The following SYT16 variants were observed in gnomAD, a reference collection of about 807,000 sequenced individuals.
SYT16 encodes synaptotagmin-16.
Under a neutral mutation model 61.4 loss-of-function variants are expected in SYT16, and 42 were observed. The ratio of observed to expected loss-of-function variants is 0.68; its 90% CI spans 0.53 to 0.89. SYT16 has a LOEUF of 0.89. SYT16 is among the 40% of genes least tolerant of loss of function. The pLI is 0.00. For synonymous variants in SYT16, 314 were observed against 302.3 expected, an observed-to-expected ratio of 1.04 and a Z score of -0.40; for missense variants, 804 against 807.3, an observed-to-expected ratio of 1.00 and a Z score of 0.05.
intron 1 of SYT16, among the ~76,000 whole-genome samples, chr14:61,936,520 T>C (rs1323955014): frequency 1.3e-5 from 2 of 152,184 alleles, no homozygotes; most frequent in East Asian, 1.9e-4. Flanking sequence ...ACATTTCTTA[T>C]TTTGATTAGG....
chr14:62,039,867 ACACACACACACG>A (rs1297377869), intron 3 of SYT16, among the ~76,000 whole-genome samples: 66 of 141,510 alleles, frequency 4.7e-4, no homozygotes, highest in South Asian at 7.2e-4. Context: ...ACACACACAC[ACACACACACACG>A]CACATACACA....
chr14:62,067,599 G>C (rs927126481), intron 3 of SYT16, among the ~76,000 whole-genome samples: 1 of 152,190 alleles, frequency 6.6e-6, no homozygotes, highest in African/African-American at 2.4e-5. Context: ...AAACACAAAA[G>C]ACATCGTGTG....
chr14:61,829,303 T>A (rs2045864018), intron 1 of SYT16, among the ~76,000 whole-genome samples: 1 of 152,238 alleles, frequency 6.6e-6, no homozygotes, highest in Admixed American at 6.5e-5. Context: ...CTGTATATAC[T>A]TTATCATTTC....
intron 1 of SYT16, among the ~76,000 whole-genome samples, chr14:61,833,619 C>T (rs764938273): frequency 6.7e-6 from 1 of 149,224 alleles, no homozygotes; most frequent in Non-Finnish European, 1.5e-5. Flanking sequence ...AGAGTTTTGC[C>T]ATGTTGGCCA....
At chr14:62,095,373 CTTA>C (rs1339810837) in intron 7 of SYT16, among the ~76,000 whole-genome samples, 2 of 151,762 alleles carry the variant, frequency 1.3e-5, no homozygotes, top group African/African-American at 2.4e-5. Flanking sequence ...TGTAGAAAAT[CTTA>C]TTATCAACAT....
intron 3 of SYT16, among the ~76,000 whole-genome samples, chr14:62,063,337 G>A (rs1278004286): frequency 2.6e-5 from 4 of 152,216 alleles, no homozygotes; most frequent in Admixed American, 6.5e-5. Context: ...GATGGGGGAT[G>A]CTGATGAAGA....
chr14:62,049,478 T>G (rs1445902511), intron 3 of SYT16, among the ~76,000 whole-genome samples: 1 of 152,196 alleles, frequency 6.6e-6, no homozygotes, highest in Non-Finnish European at 1.5e-5. Flanking sequence ...CCATTTACAT[T>G]TAAGGTTAAT....
At chr14:61,813,172 G>C (rs1230417069) in intron 1 of SYT16, among the ~76,000 whole-genome samples, 2 of 152,262 alleles carry the variant, frequency 1.3e-5, no homozygotes, top group Non-Finnish European at 1.5e-5. Flanking sequence ...GTGAGTTCAA[G>C]GTTCGCCTCG....
At chr14:62,084,004 G>C (rs1020674005) in intron 6 of SYT16, among the ~76,000 whole-genome samples, 192 bp from the exon 7 acceptor site, 4 of 152,182 alleles carry the variant, frequency 2.6e-5, no homozygotes, top group African/African-American at 9.7e-5. Flanking sequence ...AAATATGTCA[G>C]TTCCTAATGC....
chr14:61,836,307 T>C (rs776976273), intron 1 of SYT16, among the ~76,000 whole-genome samples: 5 of 152,170 alleles, frequency 3.3e-5, no homozygotes, highest in Non-Finnish European at 5.9e-5. Context: ...CGGTGGCTGC[T>C]CTTGTGTCTG....
intron 1 of SYT16, among the ~76,000 whole-genome samples, chr14:61,860,358 G>A (rs1178515875): frequency 5.3e-5 from 8 of 152,314 alleles, no homozygotes; most frequent in African/African-American, 1.9e-4. Flanking sequence ...TTGCATATCA[G>A]TAAGAACTGA....
At chr14:61,892,229 T>G (rs573870115) in intron 1 of SYT16, among the ~76,000 whole-genome samples, 2 of 151,934 alleles carry the variant, frequency 1.3e-5, no homozygotes, top group Non-Finnish European at 2.9e-5. Flanking sequence ...GACTCTACCT[T>G]CCTCACACCA....
At chr14:61,820,932 C>A (rs2045601424) in intron 1 of SYT16, among the ~76,000 whole-genome samples, 1 of 152,180 alleles carries the variant, frequency 6.6e-6, no homozygotes, top group Non-Finnish European at 1.5e-5. Flanking sequence ...CTGGGAGTAG[C>A]CTTTCTCTGT....
At chr14:61,993,679 G>A (rs569765602) in intron 2 of SYT16, among the ~76,000 whole-genome samples, 86 of 152,038 alleles carry the variant, frequency 5.7e-4, no homozygotes, top group Middle Eastern at 3.4e-3. Context: ...TTTGAGTGGC[G>A]AAATGGGATG....
At chr14:62,078,619 G>C (rs891792157) in intron 5 of SYT16, among the ~76,000 whole-genome samples, 1 of 152,332 alleles carries the variant, frequency 6.6e-6, no homozygotes, top group Non-Finnish European at 1.5e-5. Context: ...GGGAGGTCAA[G>C]TGTGAGAATA....
At chr14:61,966,324 G>C (rs939329985) in intron 1 of SYT16, among the ~76,000 whole-genome samples, 2 of 151,486 alleles carry the variant, frequency 1.3e-5, no homozygotes, top group African/African-American at 4.8e-5. Flanking sequence ...TATCAATTAT[G>C]ATTAAAAAAA....
chr14:61,917,014 A>C (rs1427044027), intron 1 of SYT16, among the ~76,000 whole-genome samples: 2 of 152,108 alleles, frequency 1.3e-5, no homozygotes, highest in Non-Finnish European at 1.5e-5. Context: ...GGTTGATTTT[A>C]TATTTTGGCT....
chr14:61,890,139 A>G (rs1374783381), intron 1 of SYT16, among the ~76,000 whole-genome samples: 1 of 152,164 alleles, frequency 6.6e-6, no homozygotes, highest in African/African-American at 2.4e-5. Context: ...TTTCACTTTT[A>G]GTTTCAGATG....
rs142840155 is a variant in SYT16 at position 62,099,855 on chromosome 14, G to T, written c.1625-539G>T. ...ATCATGCCACTGCACCCCAGCCTGG[G>T]CAACGGAGCAAGACCTTGTGTGTCT... On this transcript the variant is annotated intron_variant, in intron 7 of 7. Transcript: ENST00000683842. Among the ~76,000 whole-genome samples, 966 of 152,022 alleles carry T rather than the reference G, an allele frequency of 6.4e-3. 10 individuals carry two copies. Among genetic ancestry groups the T allele is most frequent in the African/African-American group, 0.022 (918 of 41,424 alleles).
Sources: gnomAD v4.1 joint callset for allele counts (sites outside exome capture counted in the v4.1 genomes callset) on GRCh38, gnomAD v4.1.1 for gene constraint, MANE v1.5 for transcripts, NCBI Gene and HGNC (gene_info 2026-07-23, HGNC 2026-07-21) for gene names.